CCSER1: variants seen among roughly 807,000 people sequenced by gnomAD.
The protein encoded by CCSER1 is coiled-coil serine rich protein 1.
In CCSER1, 41 loss-of-function variants were observed where a neutral mutation model predicts 82.0. That is an observed-to-expected ratio of 0.50 (90% CI 0.39 to 0.65). The LOEUF is 0.65. Ranked by LOEUF, CCSER1 falls within the 30% of genes least tolerant of loss-of-function variation. The pLI, the probability that CCSER1 is intolerant of heterozygous loss-of-function variation, is 0.00. For missense variants in CCSER1, 1,119 were observed against 1,064.2 expected, an observed-to-expected ratio of 1.05 and a Z score of -0.72; for synonymous variants, 414 against 383.9, an observed-to-expected ratio of 1.08 and a Z score of -0.92.
At chr4:90,944,360 C>G (rs528163672) in intron 9 of CCSER1, among the ~76,000 whole-genome samples, 1 of 152,030 alleles carries the variant, frequency 6.6e-6, no homozygotes, top group African/African-American at 2.4e-5. Context: ...AAATTAGACT[C>G]ATACCAATCA....
intron 3 of CCSER1, among the ~76,000 whole-genome samples, chr4:90,369,016 A>G (rs1210164287): frequency 2.0e-5 from 3 of 151,994 alleles, no homozygotes; most frequent in Admixed American, 1.3e-4. Flanking sequence ...AAACAATTGA[A>G]TGCCAAAGAA....
chr4:91,258,383 A>G (rs1173758422), intron 10 of CCSER1, among the ~76,000 whole-genome samples: 2 of 151,944 alleles, frequency 1.3e-5, no homozygotes, highest in African/African-American at 4.8e-5. Context: ...GGTACAGAAC[A>G]CCCTCTTCCT....
chr4:91,101,182 ATACT>A (rs1163391256), intron 10 of CCSER1, among the ~76,000 whole-genome samples: 1 of 152,112 alleles, frequency 6.6e-6, no homozygotes, highest in East Asian at 1.9e-4. Flanking sequence ...ACACAAAATA[ATACT>A]TACAACAAGA....
rs1157309584 is a variant in CCSER1, at chr4:91,483,980, C to T, written c.2218-114592C>T. Among the ~76,000 whole-genome samples the T allele has an allele frequency of 2.0e-5, 3 of 150,216 alleles. No homozygotes were observed. The Admixed American group carries it at 2.0e-4, about 10-fold the overall frequency. On this transcript the variant is annotated intron_variant, in intron 10 of 10. Coordinates refer to ENST00000509176, the MANE Select transcript of CCSER1 (RefSeq NM_001145065.2). ...AGGCAGCCATTTTCTTTGGAATGTT[C>T]CTTATAGTGCTTACAACTTTAACTT... is the stretch of plus-strand genomic sequence containing the variant.
At chr4:90,622,064 T>C (rs1722417873) in intron 5 of CCSER1, among the ~76,000 whole-genome samples, 1 of 152,222 alleles carries the variant, frequency 6.6e-6, no homozygotes, top group Admixed American at 6.5e-5. Flanking sequence ...TTGTAAGTTA[T>C]TTAGCATTTC....
At chr4:90,851,003 C>T (rs1289825057) in intron 8 of CCSER1, among the ~76,000 whole-genome samples, 2 of 152,116 alleles carry the variant, frequency 1.3e-5, no homozygotes, top group African/African-American at 4.8e-5. Context: ...GTGCTCTTCT[C>T]AGGTTGGTGA....
chr4:90,560,348 A>G (rs1276569153), intron 5 of CCSER1, among the ~76,000 whole-genome samples: 1 of 152,052 alleles, frequency 6.6e-6, no homozygotes, highest in Non-Finnish European at 1.5e-5. Flanking sequence ...CTGGAACTGT[A>G]GCCACTCTTT....
intron 8 of CCSER1, among the ~76,000 whole-genome samples, chr4:90,844,710 T>C (rs138866847): frequency 1.3e-5 from 2 of 152,266 alleles, no homozygotes; most frequent in Non-Finnish European, 2.9e-5. Context: ...GCATAGCATT[T>C]TCATACCTTC....
chr4:90,235,113 A>T (rs1480343555), intron 1 of CCSER1: 1 of 152,142 alleles, frequency 6.6e-6, no homozygotes, highest in East Asian at 1.9e-4. Flanking sequence ...TGCTGCTGCC[A>T]AATATGTTGT....
intron 5 of CCSER1, among the ~76,000 whole-genome samples, chr4:90,581,251 C>A (rs890412469): frequency 6.6e-6 from 1 of 151,984 alleles, no homozygotes; most frequent in Admixed American, 6.6e-5. Context: ...GCACTAACAT[C>A]CAAAAACAGT....
At chr4:90,514,779 T>G (rs969361335) in intron 5 of CCSER1, among the ~76,000 whole-genome samples, 1 of 151,956 alleles carries the variant, frequency 6.6e-6, no homozygotes, top group South Asian at 2.1e-4. Flanking sequence ...AGAAAATATT[T>G]TAAACCTTTA....
chr4:90,644,195 G>A (rs1413648803), intron 6 of CCSER1, among the ~76,000 whole-genome samples: 3 of 152,086 alleles, frequency 2.0e-5, no homozygotes, highest in Non-Finnish European at 4.4e-5. Context: ...TTGGATTTTG[G>A]AATATTTGCG....
chr4:91,491,743 T>C (rs1184351740), intron 10 of CCSER1, among the ~76,000 whole-genome samples: 1 of 152,090 alleles, frequency 6.6e-6, no homozygotes, highest in Non-Finnish European at 1.5e-5. Flanking sequence ...TTTTTCCTAT[T>C]ATTAAAGAAT....
intron 10 of CCSER1, among the ~76,000 whole-genome samples, chr4:91,183,114 G>A (rs1244139814): frequency 6.6e-6 from 1 of 152,220 alleles, no homozygotes; most frequent in Non-Finnish European, 1.5e-5. Flanking sequence ...TAAAATGGGT[G>A]CATTCTACTT....
intron 4 of CCSER1, among the ~76,000 whole-genome samples, chr4:90,458,663 A>G (rs538183733): frequency 2.8e-4 from 43 of 152,306 alleles, no homozygotes; most frequent in African/African-American, 9.4e-4. Context: ...CCTTGCCACA[A>G]TAAGTTTTAA....
Position 91,593,467 on chromosome 4 carries a change from C to CTTTTTTTTTTTTT in CCSER1, c.2218-5091_2218-5079dup. Among the ~76,000 whole-genome samples, 121 of 55,042 alleles carry CTTTTTTTTTTTTT rather than the reference C, an allele frequency of 2.2e-3. 17 individuals are homozygous for CTTTTTTTTTTTTT. Among genetic ancestry groups the CTTTTTTTTTTTTT allele is most frequent in the Non-Finnish European group, 3.0e-3 (92 of 30,306 alleles). The allele number at this position is 55,042 out of a possible 152,430, so 36.1% of individuals were successfully genotyped here. A position where few individuals can be genotyped will look rare whatever the true frequency, so the allele number is the denominator to read the frequency against. ...TAACTGTCTTGTTTTCAACCCCGTG[C>CTTTTTTTTTTTTT]TTTTTTTTTTTTTTTTTTTTTTTTT... On this transcript the variant is annotated intron_variant, in intron 10 of 10. Coordinates refer to ENST00000509176, the MANE Select transcript of CCSER1 (RefSeq NM_001145065.2).
At chr4:90,623,104 T>G (rs1722642869) in intron 5 of CCSER1, among the ~76,000 whole-genome samples, 1 of 148,998 alleles carries the variant, frequency 6.7e-6, no homozygotes, top group South Asian at 2.1e-4. Flanking sequence ...CTCGGCTTAC[T>G]GCAAGCTTCG....
intron 1 of CCSER1, among the ~76,000 whole-genome samples, chr4:90,203,909 T>C (rs917254623): frequency 1.3e-5 from 2 of 152,212 alleles, no homozygotes; most frequent in African/African-American, 4.8e-5. Flanking sequence ...TGGTATCTCA[T>C]TGTGGTTTTG....
At chr4:91,044,580 G>T (rs1349082076) in intron 9 of CCSER1, among the ~76,000 whole-genome samples, 1 of 152,054 alleles carries the variant, frequency 6.6e-6, no homozygotes, top group Non-Finnish European at 1.5e-5. Context: ...ATTCAGGTTG[G>T]TCTGTCAATT....
Sources: allele counts gnomAD v4.1 joint callset (sites outside exome capture counted in the v4.1 genomes callset), GRCh38; gene constraint gnomAD v4.1.1; transcripts MANE v1.5; gene names NCBI Gene and HGNC (gene_info 2026-07-23, HGNC 2026-07-21).